GNB1: variants seen among roughly 807,000 people sequenced by gnomAD.
GNB1 encodes the protein G protein subunit beta 1, also known as guanine nucleotide-binding protein G(I)/G(S)/G(T) subunit beta-1.
In GNB1, 2 loss-of-function variants were observed where a neutral mutation model predicts 42.9. The observed-to-expected ratio is 0.05, with a 90% confidence interval of 0.02 to 0.15. The LOEUF is 0.15. GNB1 is among the 10% of genes least tolerant of loss of function. GNB1 has a pLI of 1.00. For missense variants in GNB1, 193 were observed against 462.2 expected (o/e 0.42, Z 5.34); for synonymous variants, 183 against 174.7 (o/e 1.05, Z -0.38).
At chr1:1,854,646 C>G (rs1156995084) in intron 1 of GNB1, among the ~76,000 whole-genome samples, 1 of 152,218 alleles carries the variant, frequency 6.6e-6, no homozygotes, top group Non-Finnish European at 1.5e-5. Context: ...TTGGCTCATG[C>G]CTGTAATCCC....
intron 1 of GNB1, among the ~76,000 whole-genome samples, chr1:1,872,742 C>T (rs1649317515): frequency 6.6e-6 from 1 of 152,166 alleles, no homozygotes; most frequent in Non-Finnish European, 1.5e-5. Flanking sequence ...CTCACAGCAC[C>T]TACCACAGGC....
intron 3 of GNB1, among the ~76,000 whole-genome samples, chr1:1,819,576 T>C (rs1277904710): frequency 1.3e-5 from 2 of 152,050 alleles, no homozygotes; most frequent in Non-Finnish European, 2.9e-5. Flanking sequence ...TCTGGCTCTG[T>C]TGCCCAGCCT....
At chr1:1,824,014 C>A (rs1226526657) in intron 3 of GNB1, among the ~76,000 whole-genome samples, 2 of 152,152 alleles carry the variant, frequency 1.3e-5, no homozygotes, top group African/African-American at 4.8e-5. Flanking sequence ...CCACCATACC[C>A]AGCTTATAAA....
chr1:1,806,685 A>T (rs1256090934), intron 5 of GNB1, 147 bp from the exon 6 acceptor site: 3 of 531,804 alleles, frequency 5.6e-6, no homozygotes, highest in Non-Finnish European at 9.9e-6. Context: ...TAAGAAAAAA[A>T]ATCTCTGGTC....
intron 4 of GNB1, 43 bp downstream of exon 4, chr1:1,817,794 T>C (rs763171432): frequency 2.0e-6 from 3 of 1,469,830 alleles, no homozygotes; most frequent in South Asian, 2.3e-5. Flanking sequence ...CGTGCTAGCC[T>C]CCTCACAGGC....
chr1:1,866,450 C>G (rs1020269224), intron 1 of GNB1, among the ~76,000 whole-genome samples: 1 of 152,124 alleles, frequency 6.6e-6, no homozygotes, highest in African/African-American at 2.4e-5. Flanking sequence ...TAAAGGAAGG[C>G]CACCTTAAAT....
At chr1:1,820,356 T>TAAAA (rs35466451) in intron 3 of GNB1, among the ~76,000 whole-genome samples, 5 of 101,866 alleles carry the variant, frequency 4.9e-5, no homozygotes, top group South Asian at 3.6e-4. Context: ...AGACTCTGTT[T>TAAAA]AAAAAAAAAA....
At chr1:1,841,027 G>A (rs541081555) in intron 1 of GNB1, among the ~76,000 whole-genome samples, 14 of 152,170 alleles carry the variant, frequency 9.2e-5, no homozygotes, top group Non-Finnish European at 1.9e-4. Flanking sequence ...GAGTAGCTGC[G>A]ATTATAGGCA....
intron 5 of GNB1, among the ~76,000 whole-genome samples, chr1:1,811,443 C>T (rs997145223): frequency 1.3e-5 from 2 of 152,062 alleles, no homozygotes; most frequent in African/African-American, 2.4e-5. Context: ...CCCTGTAATC[C>T]CAGCACTTTG....
intron 2 of GNB1, among the ~76,000 whole-genome samples, chr1:1,827,715 A>G (rs1647018617): frequency 6.6e-6 from 1 of 152,154 alleles, no homozygotes; most frequent in East Asian, 1.9e-4. Flanking sequence ...ACTCACTTGT[A>G]TTTCACACAT....
intron 1 of GNB1, among the ~76,000 whole-genome samples, chr1:1,878,764 CCT>C (rs573428132): frequency 3.8e-4 from 58 of 152,268 alleles, no homozygotes; most frequent in Non-Finnish European, 6.5e-4. Flanking sequence ...TGGGCGCTGC[CCT>C]CTCAGTATTC....
chr1:1,878,742 T>TC (rs1485239219), intron 1 of GNB1, among the ~76,000 whole-genome samples: 1 of 152,178 alleles, frequency 6.6e-6, no homozygotes, highest in African/African-American at 2.4e-5. Flanking sequence ...ATCTCTCCTC[T>TC]CTTCCCCTTT....
chr1:1,803,939 G>A (rs953228926), intron 7 of GNB1, among the ~76,000 whole-genome samples: 5 of 141,980 alleles, frequency 3.5e-5, no homozygotes, highest in South Asian at 4.5e-4. Flanking sequence ...CCAAGAATGC[G>A]CTGCTGCACT....
chr1:1,864,801 T>TA (rs778990387), intron 1 of GNB1, among the ~76,000 whole-genome samples: 2 of 152,216 alleles, frequency 1.3e-5, no homozygotes, highest in Non-Finnish European at 2.9e-5. Flanking sequence ...CACTGCATCT[T>TA]AGAGTGCTCA....
chr1:1,832,088 AAAAG>A (rs1557911785), intron 2 of GNB1: 2 of 151,972 alleles, frequency 1.3e-5, no homozygotes, highest in Non-Finnish European at 2.9e-5. Context: ...AAGAAAAGAA[AAAAG>A]AAAAATATAC....
At chr1:1,855,868 C>CTA (rs1350519368) in intron 1 of GNB1, among the ~76,000 whole-genome samples, 1 of 152,214 alleles carries the variant, frequency 6.6e-6, no homozygotes, top group African/African-American at 2.4e-5. Context: ...GAACTAGATG[C>CTA]TATGACCTTC....
intron 3 of GNB1, among the ~76,000 whole-genome samples, chr1:1,819,457 G>C (rs1283919334): frequency 6.6e-6 from 1 of 152,044 alleles, no homozygotes; most frequent in Non-Finnish European, 1.5e-5. Flanking sequence ...CTGACCTCAG[G>C]TGATCCGCTC....
rs1026741778 is a variant in GNB1 at position 1,789,259 on chromosome 1, T to C, written c.710A>G (p.Asn237Ser). ...SDINAICFFPNGNAFATGSDD... is the reference protein window; with the variant it reads ...SDINAICFFPSGNAFATGSDD... ...TGAGCCAGTGGCAAATGCATTGCCA[T>C]TTGGAAAGAACTGGAAAGAGAAAGC... Residue 237 changes from asparagine to serine, a missense_variant, in exon 10 of 12, where the codon AAT becomes AGT. Transcript: ENST00000378609. The C allele has an allele frequency of 6.3e-7, 1 of 1,589,836 alleles. No individual in the cohort carries two copies.
At chr1:1,873,544 G>A (rs1212867731) in intron 1 of GNB1, among the ~76,000 whole-genome samples, 1 of 152,228 alleles carries the variant, frequency 6.6e-6, no homozygotes, top group East Asian at 1.9e-4. Flanking sequence ...GTTTTAAGTC[G>A]CTTCATTTTG....
Sources: allele counts gnomAD v4.1 joint callset (sites outside exome capture counted in the v4.1 genomes callset), GRCh38; gene constraint gnomAD v4.1.1; transcripts MANE v1.5; gene names NCBI Gene and HGNC (gene_info 2026-07-23, HGNC 2026-07-21).